Variants in SPIDR observed in about 807,000 individuals in gnomAD.
The protein encoded by SPIDR is scaffold protein involved in DNA repair.
Under a neutral mutation model 104.6 loss-of-function variants are expected in SPIDR, and 93 were observed. The ratio of observed to expected loss-of-function variants is 0.89; its 90% CI spans 0.75 to 1.06. The LOEUF is 1.06. Among genes scored for constraint, SPIDR ranks in the 50% least tolerant of loss-of-function variants. The probability of loss-of-function intolerance (pLI) is 0.00; values close to 1 mark genes in which losing one functional copy is unlikely to be tolerated. For missense variants in SPIDR, 1,154 were observed against 1,111.2 expected, an observed-to-expected ratio of 1.04 and a Z score of -0.55; for synonymous variants, 431 against 416.9, an observed-to-expected ratio of 1.03 and a Z score of -0.41.
intron 10 of SPIDR, among the ~76,000 whole-genome samples, chr8:47,649,345 A>G (rs1461764213): frequency 1.3e-5 from 2 of 152,182 alleles, no homozygotes; most frequent in African/African-American, 2.4e-5. Context: ...TCTCACAATG[A>G]GAAGAAATCA....
intron 11 of SPIDR, among the ~76,000 whole-genome samples, chr8:47,695,850 G>T (rs148017153): frequency 6.6e-6 from 1 of 152,216 alleles, no homozygotes; most frequent in South Asian, 2.1e-4. Context: ...TCCATAAAAT[G>T]TGTGTAAAAA....
intron 5 of SPIDR, among the ~76,000 whole-genome samples, chr8:47,364,377 G>T (rs1440641099): frequency 6.6e-6 from 1 of 152,176 alleles, no homozygotes; most frequent in Non-Finnish European, 1.5e-5. Context: ...GAGAGTTACT[G>T]CCATCGTGTT....
intron 10 of SPIDR, among the ~76,000 whole-genome samples, chr8:47,617,487 A>G (rs1337779883): frequency 6.6e-6 from 1 of 152,206 alleles, no homozygotes; most frequent in African/African-American, 2.4e-5. Flanking sequence ...GTGGATAAAT[A>G]TATCAGATTG....
chr8:47,640,203 T>C (rs1017066115), intron 10 of SPIDR, among the ~76,000 whole-genome samples: 6 of 152,160 alleles, frequency 3.9e-5, no homozygotes, highest in African/African-American at 1.4e-4. Flanking sequence ...GCCAACACCC[T>C]GAGATCTTTT....
chr8:47,416,169 G>A (rs1055221250), intron 7 of SPIDR, among the ~76,000 whole-genome samples: 11 of 152,206 alleles, frequency 7.2e-5, no homozygotes, highest in African/African-American at 1.9e-4. Context: ...CTTGAACCCC[G>A]GAGGCAGAGT....
intron 5 of SPIDR, among the ~76,000 whole-genome samples, chr8:47,353,052 CAAAAAAAA>C (rs57853552): frequency 2.6e-5 from 2 of 75,562 alleles, no homozygotes; most frequent in African/African-American, 6.2e-5. Flanking sequence ...GACTCTATCT[CAAAAAAAA>C]AAAAAAAAAA....
intron 8 of SPIDR, among the ~76,000 whole-genome samples, chr8:47,490,936 T>C (rs2154366688): frequency 6.6e-6 from 1 of 152,328 alleles, no homozygotes; most frequent in Admixed American, 6.5e-5. Context: ...GTGGCACATG[T>C]ATACATATGT....
chr8:47,725,198 A>AC (rs2084037750), intron 16 of SPIDR, among the ~76,000 whole-genome samples: 1 of 152,188 alleles, frequency 6.6e-6, no homozygotes, highest in Non-Finnish European at 1.5e-5. Context: ...CTTTGAAAGG[A>AC]CCTTTTTAAA....
intron 10 of SPIDR, among the ~76,000 whole-genome samples, chr8:47,634,491 C>A (rs1055816176): frequency 6.6e-6 from 1 of 152,000 alleles, no homozygotes; most frequent in Non-Finnish European, 1.5e-5. Context: ...AGAACTTTTC[C>A]AAATACAAAA....
intron 8 of SPIDR, among the ~76,000 whole-genome samples, chr8:47,535,428 T>A (rs1375990534): frequency 6.6e-6 from 1 of 151,874 alleles, no homozygotes; most frequent in Non-Finnish European, 1.5e-5. Flanking sequence ...AGACCAGTAT[T>A]AAAAATCAGG....
At chr8:47,487,122 C>T (rs1448501080) in intron 8 of SPIDR, among the ~76,000 whole-genome samples, 1 of 152,120 alleles carries the variant, frequency 6.6e-6, no homozygotes, top group Non-Finnish European at 1.5e-5. Context: ...TGTGCAGAGA[C>T]ACACATAGGC....
At chr8:47,523,018 T>G (rs1237952062) in intron 8 of SPIDR, among the ~76,000 whole-genome samples, 2 of 152,012 alleles carry the variant, frequency 1.3e-5, no homozygotes, top group African/African-American at 4.8e-5. Context: ...TTTTATTTTT[T>G]GAGCGAGGGT....
At chr8:47,415,576 C>A (rs2064138972) in intron 7 of SPIDR, among the ~76,000 whole-genome samples, 1 of 152,084 alleles carries the variant, frequency 6.6e-6, no homozygotes, top group African/African-American at 2.4e-5. Flanking sequence ...GTGGAGCCCT[C>A]ATGAAGGGAA....
chr8:47,626,982 C>G (rs1460014881), intron 10 of SPIDR, among the ~76,000 whole-genome samples: 11 of 152,180 alleles, frequency 7.2e-5, no homozygotes, highest in Non-Finnish European at 1.0e-4. Flanking sequence ...AGACCAGGAA[C>G]CAACCCATAT....
At chr8:47,598,545 T>A (rs939692595) in intron 9 of SPIDR, among the ~76,000 whole-genome samples, 2 of 152,248 alleles carry the variant, frequency 1.3e-5, no homozygotes, top group Admixed American at 6.5e-5. Flanking sequence ...CTTAATAAAA[T>A]GAAGCATTTG....
In SPIDR at chr8:47,513,683, G is replaced by A. The variant is rs115566094; in HGVS notation, c.1097+73141G>A. 5.0e-3 allele frequency among the ~76,000 whole-genome samples: 754 copies of A among 152,288 alleles called. 7 individuals are homozygous for A. Among genetic ancestry groups the A allele is most frequent in the African/African-American group, 0.017 (716 of 41,564 alleles). ...CTGATCCAGCAACAGTAGGACTTGAGGGGGTTTTTTGAGCTATTGGCTGAG... is the reference window on the plus strand; with the variant it reads ...CTGATCCAGCAACAGTAGGACTTGAAGGGGTTTTTTGAGCTATTGGCTGAG... On this transcript the variant is annotated intron_variant, in intron 8 of 19. Transcript: ENST00000297423.
At chr8:47,531,172 G>A (rs904692790) in intron 8 of SPIDR, among the ~76,000 whole-genome samples, 40 of 152,132 alleles carry the variant, frequency 2.6e-4, no homozygotes, top group African/African-American at 8.9e-4. Context: ...TATTACAGGC[G>A]TGAGTCACTG....
At chr8:47,279,389 C>T (rs2037256619) in intron 1 of SPIDR, 1 of 153,870 alleles carries the variant, frequency 6.5e-6, no homozygotes, top group Non-Finnish European at 1.4e-5. Flanking sequence ...CCAGGGTGAC[C>T]AGTTTCAGGT....
At chr8:47,522,940 T>C (rs1336822837) in intron 8 of SPIDR, among the ~76,000 whole-genome samples, 1 of 152,056 alleles carries the variant, frequency 6.6e-6, no homozygotes, top group African/African-American at 2.4e-5. Flanking sequence ...AAGTGATCTT[T>C]TTTTGTTGTA....
Sources: allele counts gnomAD v4.1 joint callset (sites outside exome capture counted in the v4.1 genomes callset), GRCh38; gene constraint gnomAD v4.1.1; transcripts MANE v1.5; gene names NCBI Gene and HGNC (gene_info 2026-07-23, HGNC 2026-07-21).